SLC24A2: variants seen among roughly 807,000 people sequenced by gnomAD.
SLC24A2 encodes the protein solute carrier family 24 member 2.
SLC24A2 carries 36 observed loss-of-function variants against 62.0 expected under a neutral mutation model. That is an observed-to-expected ratio of 0.58 (90% CI 0.44 to 0.77). SLC24A2 has a LOEUF of 0.77. Ranked by LOEUF, SLC24A2 falls within the 30% of genes least tolerant of loss-of-function variation. The pLI is 0.00. For missense variants in SLC24A2, 846 were observed against 817.9 expected, an observed-to-expected ratio of 1.03 and a Z score of -0.42; for synonymous variants, 358 against 294.0, an observed-to-expected ratio of 1.22 and a Z score of -2.23.
intron 2 of SLC24A2, among the ~76,000 whole-genome samples, chr9:19,736,150 A>G (rs1821503581): frequency 6.6e-6 from 1 of 152,224 alleles, no homozygotes; most frequent in South Asian, 2.1e-4. Context: ...TAAGTTAAGC[A>G]TGCATTATAT....
chr9:19,639,914 G>C (rs886424361), intron 2 of SLC24A2, among the ~76,000 whole-genome samples: 1 of 152,152 alleles, frequency 6.6e-6, no homozygotes, highest in Non-Finnish European at 1.5e-5. Flanking sequence ...TTGTTAACTT[G>C]GAAAACCTAC....
the SLC24A2 span, among the ~76,000 whole-genome samples, chr9:20,102,670 A>C: frequency 3.1e-3 from 465 of 152,256 alleles, 1 homozygote; most frequent in African/African-American, 0.011. Flanking sequence ...ACTGCAAAAA[A>C]AAAGACATTT....
At chr9:20,208,591 C>T in the SLC24A2 span, among the ~76,000 whole-genome samples, 8 of 152,324 alleles carry the variant, frequency 5.3e-5, no homozygotes, top group East Asian at 1.5e-3. Flanking sequence ...ACCCAGCATA[C>T]ACATACAGTA....
At chr9:19,560,015 TG>T (rs995521998) in intron 7 of SLC24A2, among the ~76,000 whole-genome samples, 1 of 152,056 alleles carries the variant, frequency 6.6e-6, no homozygotes, top group African/African-American at 2.4e-5. Context: ...AATGAACTTT[TG>T]GGACCCTGAA....
At chr9:19,958,486 G>A in the SLC24A2 span, among the ~76,000 whole-genome samples, 7 of 152,260 alleles carry the variant, frequency 4.6e-5, no homozygotes, top group East Asian at 1.3e-3. Flanking sequence ...CCCAAGCCAC[G>A]GTGTGCACGG....
At chr9:20,107,542 A>G in the SLC24A2 span, among the ~76,000 whole-genome samples, 165 of 152,302 alleles carry the variant, frequency 1.1e-3, 2 homozygotes, top group East Asian at 0.019. Context: ...ATAATGCCGC[A>G]TATCTACAAC....
the SLC24A2 span, among the ~76,000 whole-genome samples, chr9:20,066,420 G>T: frequency 6.6e-6 from 1 of 152,122 alleles, no homozygotes; most frequent in Non-Finnish European, 1.5e-5. Flanking sequence ...AATTAGAAAG[G>T]GGGGAAACGG....
the SLC24A2 span, among the ~76,000 whole-genome samples, chr9:19,955,011 A>G: frequency 1.3e-5 from 2 of 152,014 alleles, no homozygotes; most frequent in Non-Finnish European, 2.9e-5. Context: ...CTATATACTC[A>G]ATTCTAATTC....
At chr9:19,605,132 C>A (rs1375179614) in intron 4 of SLC24A2, among the ~76,000 whole-genome samples, 1 of 152,150 alleles carries the variant, frequency 6.6e-6, no homozygotes, top group East Asian at 1.9e-4. Flanking sequence ...TGCCAGTAAA[C>A]CAGAGATCTG....
At chr9:19,588,562 C>G (rs569215160) in intron 5 of SLC24A2, among the ~76,000 whole-genome samples, 34 of 151,860 alleles carry the variant, frequency 2.2e-4, no homozygotes, top group African/African-American at 7.3e-4. Context: ...GGTAAAAACT[C>G]AGGTTTCTAA....
chr9:19,903,531 A>T, the SLC24A2 span, among the ~76,000 whole-genome samples: 1 of 152,214 alleles, frequency 6.6e-6, no homozygotes, highest in Admixed American at 6.5e-5. Flanking sequence ...ATAACTCAGG[A>T]TATGGCAGAA....
chr9:19,966,208 C>A, the SLC24A2 span, among the ~76,000 whole-genome samples: 1 of 152,098 alleles, frequency 6.6e-6, no homozygotes, highest in Non-Finnish European at 1.5e-5. Context: ...AAAAATCAAA[C>A]AGGATATTTT....
At chr9:20,045,014 C>T in the SLC24A2 span, among the ~76,000 whole-genome samples, 3,493 of 152,208 alleles carry the variant, frequency 0.023, 104 homozygotes, top group African/African-American at 0.074. Flanking sequence ...GCCTGACTAG[C>T]TTCTAGCACA....
intron 7 of SLC24A2, among the ~76,000 whole-genome samples, chr9:19,566,557 T>A (rs1835660079): frequency 6.6e-6 from 1 of 152,100 alleles, no homozygotes; most frequent in African/African-American, 2.4e-5. Context: ...AGTGTGGCGA[T>A]TCCTCAAGGA....
At chr9:19,879,939 C>G in the SLC24A2 span, among the ~76,000 whole-genome samples, 1 of 152,126 alleles carries the variant, frequency 6.6e-6, no homozygotes, top group South Asian at 2.1e-4. Flanking sequence ...AAACCTGGTT[C>G]TTAACATTTT....
the SLC24A2 span, among the ~76,000 whole-genome samples, chr9:20,208,565 T>G: frequency 1.1e-4 from 16 of 152,322 alleles, no homozygotes; most frequent in African/African-American, 3.6e-4. Flanking sequence ...AAACCTTGAT[T>G]TATCATAAAT....
the SLC24A2 span, among the ~76,000 whole-genome samples, chr9:20,090,669 G>T: frequency 6.6e-6 from 1 of 151,960 alleles, no homozygotes; most frequent in Non-Finnish European, 1.5e-5. Context: ...CAAATCCTTG[G>T]CCCTGTGAAA....
chr9:20,147,917 G>C, the SLC24A2 span, among the ~76,000 whole-genome samples: 7 of 152,220 alleles, frequency 4.6e-5, no homozygotes, highest in African/African-American at 1.4e-4. Context: ...AGTCTCAGAG[G>C]AGGACTGGGA....
chr9:20,215,680 C>G, the SLC24A2 span, among the ~76,000 whole-genome samples: 11 of 152,152 alleles, frequency 7.2e-5, no homozygotes, highest in Non-Finnish European at 1.6e-4. Flanking sequence ...AAGCTGATGA[C>G]TTCAGCTGTC....
Sources: allele counts gnomAD v4.1 joint callset (sites outside exome capture counted in the v4.1 genomes callset), GRCh38; gene constraint gnomAD v4.1.1; transcripts MANE v1.5; gene names NCBI Gene and HGNC (gene_info 2026-07-23, HGNC 2026-07-21).